CCDC57: variants seen among roughly 807,000 people sequenced by gnomAD.
CCDC57 encodes coiled-coil domain containing 57.
In CCDC57, 118 loss-of-function variants were observed where a neutral mutation model predicts 118.9. The ratio of observed to expected loss-of-function variants is 0.99; its 90% CI spans 0.86 to 1.16. CCDC57 has a LOEUF of 1.16. CCDC57 is among the 50% of genes most tolerant of loss of function. The pLI, the probability that CCDC57 is intolerant of heterozygous loss-of-function variation, is 0.00. For missense variants in CCDC57, 1,300 were observed against 1,320.7 expected (o/e 0.98, Z 0.24); for synonymous variants, 527 against 532.9 (o/e 0.99, Z 0.15).
chr17:82,101,668 G>A (rs367831671), exon 20 of CCDC57: 88 of 1,589,578 alleles, frequency 5.5e-5, no homozygotes, highest in Non-Finnish European at 6.9e-5. Flanking sequence ...GTGGGGCGGG[G>A]TGGGGGGAGG....
intron 16 of CCDC57, among the ~76,000 whole-genome samples, chr17:82,141,794 C>T (rs1307858310): frequency 6.6e-6 from 1 of 152,186 alleles, no homozygotes; most frequent in Non-Finnish European, 1.5e-5. Flanking sequence ...AAACACCTTT[C>T]TTTGAGATTA....
intron 15 of CCDC57, chr17:82,153,329 AG>A (rs1441924665): frequency 5.3e-5 from 8 of 152,094 alleles, no homozygotes; most frequent in Non-Finnish European, 1.2e-4. Flanking sequence ...TTTTAACTGA[AG>A]AAAGAACAAT....
exon 8 of CCDC57, chr17:82,188,373 C>T (rs1473546557): frequency 3.7e-6 from 6 of 1,611,766 alleles, no homozygotes; most frequent in Non-Finnish European, 5.1e-6. Flanking sequence ...TTCACCGCCA[C>T]CAGCACTGCA....
chr17:82,101,482 A>G (rs757294946), downstream of CCDC57: 9 of 538,646 alleles, frequency 1.7e-5, no homozygotes, highest in Non-Finnish European at 2.9e-5. Context: ...CCAGGGAGGA[A>G]CCTGGTTTTA....
chr17:82,101,741 C>T (rs2034465420), exon 20 of CCDC57: 3 of 1,608,458 alleles, frequency 1.9e-6, no homozygotes, highest in African/African-American at 1.3e-5. Flanking sequence ...TTAGCTTTTG[C>T]AGGATGAGAC....
At chr17:82,150,467 C>T (rs2041806079) in intron 16 of CCDC57, among the ~76,000 whole-genome samples, 2 of 146,530 alleles carry the variant, frequency 1.4e-5, no homozygotes, top group African/African-American at 2.5e-5. Context: ...AGGCGCACAC[C>T]CAGAACCTGG....
chr17:82,157,638 C>T (rs886449804), intron 15 of CCDC57, 110 bp downstream of exon 14: 1 of 1,467,076 alleles, frequency 6.8e-7, no homozygotes, highest in African/African-American at 1.4e-5. Flanking sequence ...AGCCCTCGTC[C>T]CACCTGAGCT....
At position 82,202,884 on chromosome 17, in the gene CCDC57, C is replaced by T. The variant is rs530322617; in HGVS notation, c.-8-932G>A. 6.6e-4 allele frequency among the ~76,000 whole-genome samples: 101 copies of T among 152,362 alleles called. 2 individuals carry two copies. The South Asian group carries it at 0.02, about 31-fold the overall frequency. The stretch of plus-strand genomic sequence containing the variant: ...TCAACGCAGCACTCTGTCCATTTCA[C>T]AGCTGAGAAAACTAAGGCTGCTAAG... On this transcript the variant is annotated intron_variant, in intron 2 of 19. Transcript: ENST00000665763.
chr17:82,127,808 C>T, exon 19 of CCDC57: 1 of 1,612,972 alleles, frequency 6.2e-7, no homozygotes, highest in Non-Finnish European at 8.5e-7. Flanking sequence ...GGATTGGCGA[C>T]CATGCTCCTC....
chr17:82,120,730 T>C (rs1486762814), intron 19 of CCDC57, among the ~76,000 whole-genome samples: 1 of 152,104 alleles, frequency 6.6e-6, no homozygotes, highest in Admixed American at 6.6e-5. Context: ...AAAAGCCCCA[T>C]GGACTTATGC....
chr17:82,206,506 T>C (rs2049665337), intron 2 of CCDC57, among the ~76,000 whole-genome samples: 1 of 143,274 alleles, frequency 7.0e-6, no homozygotes, highest in African/African-American at 2.5e-5. Flanking sequence ...GAAGCCTCCC[T>C]AAACACCCAA....
Position 82,188,423 on chromosome 17 carries a change from A to T in CCDC57, c.852-4T>A. ...CAGACGGTCGAGCTCCTCATGCCTGAAACACAGTGAGTGTCCCATGGCGCT... is the reference window on the plus strand; with the variant it reads ...CAGACGGTCGAGCTCCTCATGCCTGTAACACAGTGAGTGTCCCATGGCGCT... On this transcript the variant is annotated splice_polypyrimidine_tract_variant and splice_region_variant and intron_variant, in intron 7 of 19. Coordinates refer to ENST00000665763, the Ensembl canonical transcript of CCDC57. The T allele has an allele frequency of 6.2e-7, 1 of 1,609,130 alleles. No individual in the cohort carries two copies. The highest frequency in any genetic ancestry group is 8.5e-7 in the Non-Finnish European group (1 of 1,178,974).
chr17:82,171,587 G>GC, intron 13 of CCDC57, 114 bp downstream of exon 12: 4 of 1,160,688 alleles, frequency 3.4e-6, no homozygotes, highest in Non-Finnish European at 4.8e-6. Context: ...GGATGACGCC[G>GC]CCCCAACGTC....
intron 10 of CCDC57, 89 bp from the exon 10 acceptor site, chr17:82,178,694 G>T: frequency 6.6e-7 from 1 of 1,525,302 alleles, no homozygotes; most frequent in East Asian, 2.3e-5. Flanking sequence ...ATAGGTGGGA[G>T]ATGCTCAGAG....
At chr17:82,184,015 A>ACGCGCGCGCGCG in intron 8 of CCDC57, 83 bp from the exon 8 acceptor site, 2 of 525,132 alleles carry the variant, frequency 3.8e-6, no homozygotes, top group Non-Finnish European at 6.1e-6. Context: ...GCAAATACAC[A>ACGCGCGCGCGCG]TGCGCGCGCG....
chr17:82,148,016 T>C (rs1456984532), intron 16 of CCDC57, among the ~76,000 whole-genome samples: 1 of 85,910 alleles, frequency 1.2e-5, no homozygotes, highest in Non-Finnish European at 2.2e-5. Flanking sequence ...GATGGATAGA[T>C]AGGTGGGTGG....
intron 7 of CCDC57, among the ~76,000 whole-genome samples, chr17:82,191,166 A>G (rs1436935103): frequency 2.6e-5 from 4 of 152,198 alleles, no homozygotes; most frequent in African/African-American, 9.6e-5. Flanking sequence ...AGGATTTCAC[A>G]GCATGGATCT....
At chr17:82,187,581 G>A (rs1335629188) in intron 8 of CCDC57, among the ~76,000 whole-genome samples, 1 of 19,004 alleles carries the variant, frequency 5.3e-5, no homozygotes, top group Non-Finnish European at 1.1e-4. Flanking sequence ...GCGGGGGTCG[G>A]GGGGCACTGG....
intron 14 of CCDC57, among the ~76,000 whole-genome samples, chr17:82,162,883 G>A (rs2043517805): frequency 6.8e-6 from 1 of 146,998 alleles, no homozygotes; most frequent in Non-Finnish European, 1.5e-5. Context: ...GCATCGGGCA[G>A]CCCGCACACA....
Sources: allele counts gnomAD v4.1 joint callset (sites outside exome capture counted in the v4.1 genomes callset), GRCh38; gene constraint gnomAD v4.1.1; transcripts MANE v1.5; gene names NCBI Gene and HGNC (gene_info 2026-07-23, HGNC 2026-07-21).